The following APC variants were observed in gnomAD, a reference collection of about 807,000 sequenced individuals.
APC encodes the protein adenomatous polyposis coli protein.
APC carries 72 observed loss-of-function variants against 247.0 expected under a neutral mutation model. The ratio of observed to expected loss-of-function variants is 0.29; its 90% CI spans 0.24 to 0.35. The LOEUF (loss-of-function observed/expected upper bound fraction) is 0.35, where lower values mean the gene tolerates loss of function less well. Ranked by LOEUF, APC falls within the 10% of genes least tolerant of loss-of-function variation. The pLI is 1.00. For missense variants in APC, 3,400 were observed against 3,360.7 expected (o/e 1.01, Z -0.29); for synonymous variants, 1,254 against 1,162.5 (o/e 1.08, Z -1.60).
chr5:112,754,756 T>C, intron 1 of APC, 117 bp from the exon 2 acceptor site: 1 of 954,962 alleles, frequency 1.0e-6, no homozygotes, highest in Non-Finnish European at 1.6e-6. Context: ...AACTAGCATA[T>C]TAACACAATT....
chr5:112,830,826 G>C (rs1764214257), intron 14 of APC, among the ~76,000 whole-genome samples: 1 of 152,228 alleles, frequency 6.6e-6, no homozygotes, highest in Non-Finnish European at 1.5e-5. Flanking sequence ...GAAACTTTTG[G>C]GGATGATATA....
intron 11 of APC, among the ~76,000 whole-genome samples, chr5:112,825,332 AACC>A (rs1763534247): frequency 6.6e-6 from 1 of 152,174 alleles, no homozygotes; most frequent in Non-Finnish European, 1.5e-5. Context: ...TGTTCACTGA[AACC>A]ATAGTAATCT....
At chr5:112,801,159 C>A in intron 7 of APC, 120 bp from the exon 8 acceptor site, 2 of 703,078 alleles carry the variant, frequency 2.8e-6, no homozygotes, top group Non-Finnish European at 5.0e-6. Context: ...CAGTTCCATG[C>A]CTTTATCAGT....
chr5:112,800,868 AAGT>A (rs1259582209), intron 7 of APC, among the ~76,000 whole-genome samples: 1 of 152,082 alleles, frequency 6.6e-6, no homozygotes, highest in Non-Finnish European at 1.5e-5. Context: ...AAATATACCT[AAGT>A]AGAAGATATT....
intron 6 of APC, among the ~76,000 whole-genome samples, chr5:112,784,157 T>C (rs1758689220): frequency 6.6e-6 from 1 of 152,182 alleles, no homozygotes; most frequent in African/African-American, 2.4e-5. Context: ...AACCCCCACC[T>C]CCTGGCTTCA....
intron 11 of APC, among the ~76,000 whole-genome samples, chr5:112,825,695 A>G (rs901427323): frequency 6.6e-6 from 1 of 152,218 alleles, no homozygotes; most frequent in Non-Finnish European, 1.5e-5. Context: ...CTACCAAAAT[A>G]AAAATAAAAA....
rs1060503298 is a variant in APC at position 112,840,086 on chromosome 5, G to A, written c.4492G>A (p.Asp1498Asn). ...LLHFATESTP[D>N]GFSCSSSLSA... ...ACATTTTGCCACGGAAAGTACTCCA[G>A]ATGGATTTTCTTGTTCATCCAGCCT... is the stretch of plus-strand genomic sequence containing the variant. Residue 1498 changes from aspartate (D) to asparagine (N), a missense_variant, in exon 16 of 16, where the codon GAT (aspartate) becomes AAT (asparagine). Asp to Asn is a conservative substitution (Grantham distance 23). Around this residue, in one of 9 missense-constraint regions of APC, gnomAD observed 1,788 missense variants for 1,649.5 expected, o/e 1.08. Transcript: ENST00000257430. This position sits in a 1 kb window ranked among gnomAD's most constrained non-coding sequence, Gnocchi z 4.1. The A allele has an allele frequency of 6.2e-7, 1 of 1,614,162 alleles. No homozygotes were observed. The highest frequency in any genetic ancestry group is 1.1e-5 in the South Asian group (1 of 91,084).
chr5:112,804,525 G>A (rs951776766), intron 8 of APC, among the ~76,000 whole-genome samples: 1 of 152,084 alleles, frequency 6.6e-6, no homozygotes, highest in African/African-American at 2.4e-5. Context: ...GACTACAGGT[G>A]TGTGCCACCA....
chr5:112,823,125 C>T (rs752913294), intron 11 of APC, among the ~76,000 whole-genome samples: 31 of 152,148 alleles, frequency 2.0e-4, no homozygotes, highest in Non-Finnish European at 4.4e-4. Context: ...AAATGCTAAT[C>T]ATAACAGGAA....
chr5:112,732,458 G>C (rs576831995), intron 1 of APC, among the ~76,000 whole-genome samples: 1 of 152,230 alleles, frequency 6.6e-6, no homozygotes, highest in South Asian at 2.1e-4. Context: ...CATATACAGG[G>C]GCCAGAGTTT....
intron 1 of APC, among the ~76,000 whole-genome samples, chr5:112,754,542 G>A (rs970101585): frequency 1.3e-5 from 2 of 151,934 alleles, no homozygotes; most frequent in Admixed American, 1.3e-4. Flanking sequence ...CCTAAGTTTT[G>A]CCTGTAAGAA....
intron 11 of APC, among the ~76,000 whole-genome samples, chr5:112,824,459 T>C (rs866422472): frequency 4.5e-4 from 69 of 152,350 alleles, no homozygotes; most frequent in Middle Eastern, 3.4e-3. Flanking sequence ...TGAATGTTCT[T>C]TTTTTATTAG....
chr5:112,734,324 T>G (rs757638787), upstream of APC, among the ~76,000 whole-genome samples: 1 of 152,202 alleles, frequency 6.6e-6, no homozygotes, highest in Non-Finnish European at 1.5e-5. Flanking sequence ...ACATTTCACC[T>G]CGTTCTCGTA....
chr5:112,824,604 C>CT (rs1263769637), intron 11 of APC, among the ~76,000 whole-genome samples: 1 of 152,192 alleles, frequency 6.6e-6, no homozygotes, highest in African/African-American at 2.4e-5. Flanking sequence ...TTCTTGGCAT[C>CT]TTCTTTAGGT....
chr5:112,831,756 T>C (rs536616353), intron 14 of APC, among the ~76,000 whole-genome samples: 1 of 152,336 alleles, frequency 6.6e-6, no homozygotes, highest in Admixed American at 6.5e-5. Context: ...ACTGGATCCT[T>C]CTTTTTTATG....
At chr5:112,719,423 A>G (rs987099225) in intron 1 of APC, among the ~76,000 whole-genome samples, 4 of 150,636 alleles carry the variant, frequency 2.7e-5, no homozygotes, top group Non-Finnish European at 4.4e-5. Context: ...GGGTTTTACC[A>G]TGTTGGCCAG....
At chr5:112,795,310 G>A (rs79487788) in intron 7 of APC, among the ~76,000 whole-genome samples, 3 of 152,194 alleles carry the variant, frequency 2.0e-5, no homozygotes, top group Non-Finnish European at 2.9e-5. Flanking sequence ...ACAGGCATAA[G>A]CCACCGTTCC....
chr5:112,783,933 G>T, intron 6 of APC: 1 of 202,484 alleles, frequency 4.9e-6, no homozygotes, highest in East Asian at 1.4e-4. Flanking sequence ...ACACATCAGG[G>T]AAATGTAATA....
intron 14 of APC, among the ~76,000 whole-genome samples, chr5:112,830,671 T>A (rs1209346866): frequency 6.6e-6 from 1 of 152,132 alleles, no homozygotes; most frequent in Non-Finnish European, 1.5e-5. Context: ...GTAAGCAAAT[T>A]GTGGAATATT....
Sources: gnomAD v4.1 joint callset for allele counts (sites outside exome capture counted in the v4.1 genomes callset) on GRCh38, gnomAD v4.1.1 for gene constraint, gnomAD v4.1.1 regional missense constraint, Gnocchi (gnomAD v3.1) non-coding constraint, MANE v1.5 for transcripts, NCBI Gene and HGNC (gene_info 2026-07-23, HGNC 2026-07-21) for gene names.